The following AMZ2 variants were observed in gnomAD, a reference collection of about 807,000 sequenced individuals.
AMZ2 encodes archaelysin family metallopeptidase 2.
AMZ2 carries 26 observed loss-of-function variants against 36.7 expected under a neutral mutation model. The observed-to-expected ratio is 0.71, with a 90% confidence interval of 0.52 to 0.98. The LOEUF (loss-of-function observed/expected upper bound fraction) is 0.98, where lower values mean the gene tolerates loss of function less well. AMZ2 is among the 50% of genes least tolerant of loss of function. The probability of loss-of-function intolerance (pLI) is 0.00; values close to 1 mark genes in which losing one functional copy is unlikely to be tolerated. For synonymous variants in AMZ2, 144 were observed against 149.1 expected, an observed-to-expected ratio of 0.97 and a Z score of 0.25; for missense variants, 394 against 430.5, an observed-to-expected ratio of 0.92 and a Z score of 0.75.
rs1843350125 is a variant in AMZ2, at chr17:68,248,608, A to C, written c.-98A>C. ...CTTTCACACTGCCTTTTTAATATTA[A>C]GATGAAGTCACACTCCACAACTTTC... On this transcript the variant is annotated 5_prime_UTR_variant, in exon 1 of 7. Coordinates refer to ENST00000359904, the MANE Select transcript of AMZ2 (RefSeq NM_016627.5). 2.0e-6 allele frequency: 2 copies of C among 985,892 alleles called. No homozygotes were observed. The highest frequency in any genetic ancestry group is 1.7e-5 in the African/African-American group (1 of 57,350). 61.1% of individuals were successfully genotyped at this position (985,892 alleles called of 1,614,324 possible).
At chr17:68,231,043 A>AT (rs1412783243) in intron 1 of AMZ2, among the ~76,000 whole-genome samples, 4 of 151,500 alleles carry the variant, frequency 2.6e-5, no homozygotes, top group Non-Finnish European at 4.4e-5. Context: ...TAATTTTATT[A>AT]TTTTTTTATT....
At chr17:68,247,845 A>T (rs1237659675), upstream of AMZ2, 1 of 985,388 alleles carries the variant, frequency 1.0e-6, no homozygotes, top group Admixed American at 6.1e-5. Context: ...TGGGGCTTGT[A>T]GTCCCCTCGC....
intron 1 of AMZ2, among the ~76,000 whole-genome samples, chr17:68,236,186 G>C (rs1159035657): frequency 1.3e-5 from 2 of 150,312 alleles, no homozygotes; most frequent in African/African-American, 4.9e-5. Context: ...CAAAATATAA[G>C]AGTAATCTTA....
intron 5 of AMZ2, 54 bp downstream of exon 5, chr17:68,254,621 C>CGGGCGCG: frequency 2.1e-6 from 3 of 1,442,368 alleles, no homozygotes; most frequent in Non-Finnish European, 1.9e-6. Flanking sequence ...ATCTTAGTTC[C>CGGGCGCG]GTAAACTGTA....
At chr17:68,244,475 C>T (rs1241919587), upstream of AMZ2, among the ~76,000 whole-genome samples, 16 of 152,088 alleles carry the variant, frequency 1.1e-4, no homozygotes, top group African/African-American at 2.9e-4. Context: ...TTAGTAGAGA[C>T]GGGGTTTCAC....
At chr17:68,254,373 C>A (rs880003233) in intron 4 of AMZ2, 31 bp from the exon 5 acceptor site, 9 of 1,592,232 alleles carry the variant, frequency 5.7e-6, no homozygotes, top group African/African-American at 1.4e-5. Context: ...ACCTTACTCT[C>A]ATTCTGTCAC....
intron 1 of AMZ2, among the ~76,000 whole-genome samples, chr17:68,220,924 A>G (rs1179907372): frequency 6.6e-6 from 1 of 151,614 alleles, no homozygotes; most frequent in Non-Finnish European, 1.5e-5. Context: ...CTGGGATTAC[A>G]GGTGCATGCC....
intron 1 of AMZ2, among the ~76,000 whole-genome samples, chr17:68,213,107 T>C (rs555081997): frequency 1.3e-5 from 2 of 152,248 alleles, no homozygotes; most frequent in Non-Finnish European, 2.9e-5. Flanking sequence ...ATTTAACCAG[T>C]AAAAGACAAT....
chr17:68,251,023 T>G (rs2074422830), intron 3 of AMZ2, 27 bp from the exon 4 acceptor site: 2 of 1,606,584 alleles, frequency 1.2e-6, no homozygotes, highest in Non-Finnish European at 1.7e-6. Flanking sequence ...TATACACTCA[T>G]ACATTTATGT....
Position 68,256,937 on chromosome 17 carries a change from A to T in AMZ2, c.1051A>T (p.Ile351Leu), listed in dbSNP as rs1555743251. 6.2e-7 allele frequency: 1 copy of T among 1,614,122 alleles called. No individual in the cohort carries two copies. Among genetic ancestry groups the T allele is most frequent in the Non-Finnish European group, 8.5e-7 (1 of 1,180,004 alleles). Residue 351 changes from isoleucine (I) to leucine (L), a missense_variant, in exon 7 of 7, where the codon ATA becomes TTA. Coordinates refer to ENST00000359904, the MANE Select transcript of AMZ2 (RefSeq NM_016627.5). Reference sequence around the variant, plus strand: ...AGCCTTTAAGGAATGGAAAGAGTGGATAATAAAATGCCTGGCTGTTCTCCA... The same window carrying T: ...AGCCTTTAAGGAATGGAAAGAGTGGTTAATAAAATGCCTGGCTGTTCTCCA... ...VEAFKEWKEWIIKCLAVLQK is the reference protein window; with the variant it reads ...VEAFKEWKEWLIKCLAVLQK
At position 68,248,168 on chromosome 17, in the gene AMZ2, C is replaced by T. The variant is rs1457149142; in HGVS notation, c.-538C>T. The T allele has an allele frequency of 2.0e-6, 2 of 986,238 alleles. No homozygotes were observed. Among genetic ancestry groups the T allele is most frequent in the East Asian group, 1.1e-4 (1 of 8,822 alleles). 61.1% of individuals were successfully genotyped at this position (986,238 alleles called of 1,614,324 possible). A position where few individuals can be genotyped will look rare whatever the true frequency, so the allele number is the denominator to read the frequency against. ...GGCCGGGGCCCCTAGGCAGGGTAGC[C>T]GGGTCGTAGAGGCGGGGGCCGGTCG... On this transcript the variant is annotated 5_prime_UTR_variant, in exon 1 of 7. Transcript: ENST00000359904.
upstream of AMZ2, chr17:68,247,561 C>T (rs2074082547): frequency 1.1e-6 from 1 of 919,448 alleles, no homozygotes; most frequent in Non-Finnish European, 1.3e-6. Context: ...TTCCAGCCCC[C>T]GCGGCCCCCA....
intron 1 of AMZ2, among the ~76,000 whole-genome samples, chr17:68,225,074 C>A (rs1288442875): frequency 6.6e-6 from 1 of 151,762 alleles, no homozygotes; most frequent in Non-Finnish European, 1.5e-5. Flanking sequence ...CACCTGTAAT[C>A]CCAGCTACTC....
upstream of AMZ2, chr17:68,247,627 T>C (rs1301431693): frequency 4.1e-6 from 4 of 985,316 alleles, no homozygotes; most frequent in Admixed American, 6.1e-5. Context: ...GCTGCGGCTC[T>C]ACGTCAACCT....
intron 1 of AMZ2, among the ~76,000 whole-genome samples, chr17:68,242,394 C>T (rs1218749394): frequency 6.6e-6 from 1 of 151,418 alleles, no homozygotes; most frequent in Admixed American, 6.6e-5. Context: ...AGAGAAAAAT[C>T]AAAACCACCA....
chr17:68,216,924 T>C (rs782168290), intron 1 of AMZ2, among the ~76,000 whole-genome samples: 3 of 151,738 alleles, frequency 2.0e-5, no homozygotes, highest in African/African-American at 7.3e-5. Flanking sequence ...TTCCAGCTAC[T>C]CGGGAGGCTG....
intron 1 of AMZ2, among the ~76,000 whole-genome samples, chr17:68,212,740 TTTTG>T (rs1214795318): frequency 1.8e-4 from 28 of 152,002 alleles, no homozygotes; most frequent in South Asian, 4.2e-4. Context: ...GGCTAATGTC[TTTTG>T]TTTGTGTATT....
At chr17:68,254,648 G>A in intron 5 of AMZ2, 81 bp downstream of exon 5, 2 of 1,235,508 alleles carry the variant, frequency 1.6e-6, no homozygotes, top group Non-Finnish European at 2.2e-6. Context: ...CAGTCCGTAA[G>A]GTAATATTAT....
upstream of AMZ2, chr17:68,246,820 G>A (rs1555735698): frequency 6.6e-6 from 1 of 152,244 alleles, no homozygotes; most frequent in Non-Finnish European, 1.5e-5. Context: ...AAATGCTGAA[G>A]TCATCAAGAA....
Sources: allele counts gnomAD v4.1 joint callset (sites outside exome capture counted in the v4.1 genomes callset), GRCh38; gene constraint gnomAD v4.1.1; transcripts MANE v1.5; gene names NCBI Gene and HGNC (gene_info 2026-07-23, HGNC 2026-07-21).